Variants in VRK2 observed in about 807,000 individuals in gnomAD.
The protein encoded by VRK2 is VRK serine/threonine kinase 2, also known as serine/threonine-protein kinase VRK2.
A neutral mutation model predicts 57.6 loss-of-function variants in VRK2; 60 were observed. The ratio of observed to expected loss-of-function variants is 1.04; its 90% confidence interval spans 0.85 to 1.29. VRK2 has a LOEUF of 1.29. Ranked by LOEUF, VRK2 falls within the 50% of genes most tolerant of loss-of-function variation. The pLI, the probability that VRK2 is intolerant of heterozygous loss-of-function variation, is 0.00. For synonymous variants in VRK2, 231 were observed against 199.2 expected, an observed-to-expected ratio of 1.16 and a Z score of -1.35; for missense variants, 705 against 588.1, an observed-to-expected ratio of 1.20 and a Z score of -2.06.
chr2:58,025,086 T>G (rs1407231233), intron 1 of VRK2, among the ~76,000 whole-genome samples: 1 of 152,190 alleles, frequency 6.6e-6, no homozygotes, highest in East Asian at 1.9e-4. Context: ...CATGTTGCAC[T>G]GAACACCATA....
At chr2:58,046,219 C>T (rs373892549), upstream of VRK2, among the ~76,000 whole-genome samples, 3 of 152,288 alleles carry the variant, frequency 2.0e-5, no homozygotes, top group East Asian at 3.9e-4. Flanking sequence ...TAACCAATAA[C>T]CTTATAATCT....
intron 2 of VRK2, among the ~76,000 whole-genome samples, chr2:58,050,058 A>T (rs1024855376): frequency 4.6e-5 from 7 of 152,206 alleles, no homozygotes; most frequent in Non-Finnish European, 1.0e-4. Context: ...TATGGTTATT[A>T]AGTGCTAGAT....
intron 1 of VRK2, among the ~76,000 whole-genome samples, chr2:58,014,311 C>G (rs1420446218): frequency 6.6e-6 from 1 of 152,180 alleles, no homozygotes; most frequent in Non-Finnish European, 1.5e-5. Context: ...TCAAAGATAA[C>G]TCCACTTAAT....
intron 1 of VRK2, among the ~76,000 whole-genome samples, chr2:58,000,702 A>G (rs561773021): frequency 5.3e-5 from 8 of 152,360 alleles, no homozygotes; most frequent in South Asian, 2.1e-4. Context: ...GGTTGCCCCA[A>G]TAATGACAAA....
intron 1 of VRK2, among the ~76,000 whole-genome samples, chr2:57,985,928 T>C (rs1672579925): frequency 6.6e-6 from 1 of 152,140 alleles, no homozygotes; most frequent in South Asian, 2.1e-4. Flanking sequence ...AATAAAACTG[T>C]ATCATTTACA....
At chr2:58,124,500 A>G (rs1470890587) in intron 8 of VRK2, among the ~76,000 whole-genome samples, 1 of 152,254 alleles carries the variant, frequency 6.6e-6, no homozygotes, top group Non-Finnish European at 1.5e-5. Flanking sequence ...AACAATTTTT[A>G]AACAGTTTTG....
In VRK2 at chr2:58,089,649, A is replaced by G. The variant is rs910273959; in HGVS notation, c.469A>G (p.Ile157Val). Residue 157 changes from isoleucine to valine, a missense_variant, in exon 7 of 13, where the codon ATA (isoleucine) becomes GTA (valine). Transcript: ENST00000340157. Reference protein sequence around the residue: ...GIRMLDVLEYIHENEYVHGDI... With the variant: ...GIRMLDVLEYVHENEYVHGDI... ...TTCACAGTTGGATGTACTGGAATAT[A>G]TACATGAAAATGAATATGTTCATGG... The G allele has an allele frequency of 5.0e-6, 8 of 1,602,932 alleles. No homozygotes were observed. Among genetic ancestry groups the G allele is most frequent in the Admixed American group, 1.7e-5 (1 of 58,194 alleles).
At chr2:58,122,977 A>G in intron 7 of VRK2, 124 bp from the exon 8 acceptor site, 1 of 1,239,460 alleles carries the variant, frequency 8.1e-7, no homozygotes, top group Non-Finnish European at 1.1e-6. Flanking sequence ...CTAAGGCACC[A>G]TTTGGTTTAA....
intron 7 of VRK2, among the ~76,000 whole-genome samples, chr2:58,114,219 T>C (rs887035523): frequency 2.6e-5 from 4 of 152,112 alleles, no homozygotes; most frequent in Non-Finnish European, 5.9e-5. Flanking sequence ...AGAGAGTGCC[T>C]AAGGAGATTC....
At chr2:58,067,878 T>A (rs888521466) in intron 2 of VRK2, among the ~76,000 whole-genome samples, 1 of 152,022 alleles carries the variant, frequency 6.6e-6, no homozygotes, top group African/African-American at 2.4e-5. Context: ...CTTTTCTTTT[T>A]CCTCAATATC....
chr2:58,134,308 G>T (rs1395928198), intron 9 of VRK2, among the ~76,000 whole-genome samples: 1 of 152,152 alleles, frequency 6.6e-6, no homozygotes, highest in African/African-American at 2.4e-5. Context: ...AGGAATAAAT[G>T]CTACATACAT....
intron 1 of VRK2, among the ~76,000 whole-genome samples, chr2:57,963,833 C>T (rs1268483565): frequency 1.3e-5 from 2 of 152,196 alleles, no homozygotes; most frequent in Non-Finnish European, 2.9e-5. Flanking sequence ...ATTTACATTA[C>T]AGTTATTGCA....
intron 7 of VRK2, among the ~76,000 whole-genome samples, chr2:58,094,193 T>C (rs1462110824): frequency 6.6e-6 from 1 of 152,216 alleles, no homozygotes; most frequent in East Asian, 1.9e-4. Context: ...TTTTTCCAAT[T>C]CTGTGAAGAA....
At chr2:58,087,358 A>T (rs1056178992) in intron 5 of VRK2, among the ~76,000 whole-genome samples, 1 of 152,200 alleles carries the variant, frequency 6.6e-6, no homozygotes, top group African/African-American at 2.4e-5. Context: ...TTGAATCATG[A>T]TACATCCATA....
intron 1 of VRK2, among the ~76,000 whole-genome samples, chr2:57,966,197 T>A (rs1671910442): frequency 6.6e-6 from 1 of 152,132 alleles, no homozygotes; most frequent in Non-Finnish European, 1.5e-5. Context: ...TTGTACATGT[T>A]CCCCTTGCCT....
chr2:58,063,774 A>G (rs13394820), intron 2 of VRK2, among the ~76,000 whole-genome samples: 9,290 of 152,200 alleles, frequency 0.061, 956 homozygotes, highest in African/African-American at 0.21. Flanking sequence ...GCTGCCATAG[A>G]TAATGATTCC....
chr2:57,988,700 T>A (rs1672673005), intron 1 of VRK2, among the ~76,000 whole-genome samples: 1 of 152,182 alleles, frequency 6.6e-6, no homozygotes. Context: ...CGATACCACC[T>A]CCACCTACTT....
chr2:58,098,126 T>A (rs1673424840), intron 7 of VRK2, among the ~76,000 whole-genome samples: 1 of 151,338 alleles, frequency 6.6e-6, no homozygotes, highest in South Asian at 2.1e-4. Flanking sequence ...TTTAAAAAAA[T>A]AAAAAAGAAA....
intron 1 of VRK2, among the ~76,000 whole-genome samples, chr2:57,947,265 C>T (rs1671290988): frequency 1.3e-5 from 2 of 152,066 alleles, no homozygotes; most frequent in South Asian, 2.1e-4. Flanking sequence ...TTTAAAAATG[C>T]AACTCTATAG....
Sources: allele counts gnomAD v4.1 joint callset (sites outside exome capture counted in the v4.1 genomes callset), GRCh38; gene constraint gnomAD v4.1.1; transcripts MANE v1.5; gene names NCBI Gene and HGNC (gene_info 2026-07-23, HGNC 2026-07-21).